CDH4: variants seen among roughly 807,000 people sequenced by gnomAD.
CDH4 encodes cadherin 4, also known as cadherin-4.
CDH4 carries 33 observed loss-of-function variants against 86.0 expected under a neutral mutation model. The observed-to-expected ratio is 0.38, with a 90% CI of 0.29 to 0.51. The LOEUF is 0.51. CDH4 is among the 20% of genes least tolerant of loss of function. The probability of loss-of-function intolerance (pLI) is 0.86; values close to 1 mark genes in which losing one functional copy is unlikely to be tolerated. For missense variants in CDH4, 1,114 were observed against 1,307.4 expected, an observed-to-expected ratio of 0.85 and a Z score of 2.28; for synonymous variants, 555 against 549.4, an observed-to-expected ratio of 1.01 and a Z score of -0.14.
intron 2 of CDH4, among the ~76,000 whole-genome samples, chr20:61,625,678 C>T (rs537048374): frequency 6.6e-5 from 10 of 152,266 alleles, no homozygotes; most frequent in Non-Finnish European, 1.2e-4. Context: ...GAGCAGACAC[C>T]GTTCAGATGC....
intron 2 of CDH4, among the ~76,000 whole-genome samples, chr20:61,691,349 AT>A (rs1042401834): frequency 6.8e-6 from 1 of 147,758 alleles, no homozygotes; most frequent in Non-Finnish European, 1.5e-5. Flanking sequence ...ATGTGTGTGT[AT>A]TTTTGTGTGT....
intron 2 of CDH4, among the ~76,000 whole-genome samples, chr20:61,331,982 GC>G (rs1210600532): frequency 1.3e-5 from 2 of 152,282 alleles, no homozygotes; most frequent in East Asian, 2.0e-4. Context: ...CTGTGCCTCT[GC>G]CCCCTTCTCT....
Position 61,269,016 on chromosome 20 carries a change from C to T in CDH4, c.169+14079C>T, listed in dbSNP as rs1229490469. Among the ~76,000 whole-genome samples the T allele has an allele frequency of 6.6e-6, 1 of 152,144 alleles. No homozygotes were observed. Among genetic ancestry groups the T allele is most frequent in the Non-Finnish European group, 1.5e-5 (1 of 68,030 alleles). ...GTGATGAGGAGTGTTGCGCAGACAC[C>T]TTGGGTGAGCATCAGAACCCCATGG... On this transcript the variant is annotated intron_variant, in intron 2 of 15. Coordinates refer to ENST00000614565, the MANE Select transcript of CDH4 (RefSeq NM_001794.5). This position sits in a 1 kb window ranked among gnomAD's most constrained non-coding sequence, Gnocchi z 5.3.
At chr20:61,727,250 C>CCATCATCATCACCATCAGAGT (rs1462427975) in intron 2 of CDH4, among the ~76,000 whole-genome samples, 1 of 151,466 alleles carries the variant, frequency 6.6e-6, no homozygotes, top group Non-Finnish European at 1.5e-5. Flanking sequence ...ACCATCAGTG[C>CCATCATCATCACCATCAGAGT]CATCATCATC....
At chr20:61,632,475 C>T (rs555767478) in intron 2 of CDH4, among the ~76,000 whole-genome samples, 27 of 152,202 alleles carry the variant, frequency 1.8e-4, no homozygotes, top group African/African-American at 6.0e-4. Context: ...TCGTTAACGC[C>T]GGGCCTCCGG....
At chr20:61,844,550 T>G in intron 4 of CDH4, 118 bp from the exon 5 acceptor site, 2 of 929,040 alleles carry the variant, frequency 2.2e-6, no homozygotes, top group Non-Finnish European at 3.2e-6. Flanking sequence ...GTGGTCCCCA[T>G]TGTACCTGAA....
intron 2 of CDH4, among the ~76,000 whole-genome samples, chr20:61,338,188 T>A (rs1156822735): frequency 6.6e-6 from 1 of 152,212 alleles, no homozygotes; most frequent in African/African-American, 2.4e-5. Context: ...ATGCATAGCT[T>A]CATTGTTCAA....
chr20:61,799,670 G>A (rs1979728972), intron 4 of CDH4, among the ~76,000 whole-genome samples: 1 of 152,204 alleles, frequency 6.6e-6, no homozygotes, highest in Non-Finnish European at 1.5e-5. Context: ...TCTGCACAAA[G>A]GGCTGTTGAG....
At chr20:61,466,878 C>G (rs940576978) in intron 2 of CDH4, among the ~76,000 whole-genome samples, 4 of 141,260 alleles carry the variant, frequency 2.8e-5, no homozygotes, top group Non-Finnish European at 6.0e-5. Context: ...ATAATCAGTC[C>G]TCTCCTTGCA....
chr20:61,565,113 C>G (rs115853231), intron 2 of CDH4, among the ~76,000 whole-genome samples: 6,762 of 53,886 alleles, frequency 0.13, 292 homozygotes, highest in East Asian at 0.15. Context: ...CTTGGTGGTG[C>G]TGGTGCTCTT....
intron 2 of CDH4, among the ~76,000 whole-genome samples, chr20:61,598,413 C>T (rs1316652642): frequency 2.0e-5 from 3 of 151,480 alleles, no homozygotes; most frequent in African/African-American, 7.3e-5. Flanking sequence ...CAGCCCAGGA[C>T]CTCAGCAGAG....
At chr20:61,699,887 G>T (rs1032699897) in intron 2 of CDH4, among the ~76,000 whole-genome samples, 9 of 152,206 alleles carry the variant, frequency 5.9e-5, no homozygotes, top group African/African-American at 1.4e-4. Flanking sequence ...GGCTGGCAAT[G>T]GCTGAGTGAG....
intron 5 of CDH4, among the ~76,000 whole-genome samples, chr20:61,851,795 C>T (rs73915110): frequency 0.013 from 1,918 of 152,246 alleles, 37 homozygotes; most frequent in African/African-American, 0.043. Flanking sequence ...GCCCCTCCTC[C>T]GAGAGGCCTC....
chr20:61,938,848 G>A lies in CDH4; in HGVS notation c.*1905G>A, dbSNP rs1568903440. On this transcript the variant is annotated 3_prime_UTR_variant, in exon 16 of 16. Transcript: ENST00000614565. ...CTGCCCCTGTGCAGCCTTCAGAGTT[G>A]AGCTGGGGTCTCAGTCTCCAACCTG... is the stretch of plus-strand genomic sequence containing the variant. 6.6e-6 allele frequency: 1 copy of A among 152,320 alleles called. No homozygotes were observed. Among genetic ancestry groups the A allele is most frequent in the African/African-American group, 2.4e-5 (1 of 41,470 alleles). 9.4% of individuals were successfully genotyped at this position (152,320 alleles called of 1,614,324 possible).
At chr20:61,737,433 A>C (rs918990437) in intron 2 of CDH4, among the ~76,000 whole-genome samples, 1 of 152,158 alleles carries the variant, frequency 6.6e-6, no homozygotes, top group Non-Finnish European at 1.5e-5. Flanking sequence ...GCTGGCCGCA[A>C]ACACCCTGCA....
chr20:61,583,206 C>CGGGGGGACAGACGGT (rs2086443826), intron 2 of CDH4, among the ~76,000 whole-genome samples: 1 of 42,362 alleles, frequency 2.4e-5, no homozygotes, highest in South Asian at 1.2e-3. Context: ...GGACAGAGGG[C>CGGGGGGACAGACGGT]TCTGCGGGGG....
chr20:61,711,516 T>C (rs2087893061), intron 2 of CDH4, among the ~76,000 whole-genome samples: 2 of 152,198 alleles, frequency 1.3e-5, no homozygotes, highest in South Asian at 4.1e-4. Flanking sequence ...CCCTCAAAGC[T>C]AGCAGCACAG....
At chr20:61,834,139 TC>T (rs747680218) in intron 4 of CDH4, among the ~76,000 whole-genome samples, 3 of 152,138 alleles carry the variant, frequency 2.0e-5, no homozygotes, top group Non-Finnish European at 2.9e-5. Flanking sequence ...CGGGGTGATT[TC>T]CAAAGACTGG....
intron 2 of CDH4, among the ~76,000 whole-genome samples, chr20:61,303,291 T>C (rs1203879281): frequency 6.6e-6 from 1 of 152,174 alleles, no homozygotes; most frequent in African/African-American, 2.4e-5. Flanking sequence ...AGGGCGATAT[T>C]AGCCATGAGC....
Sources: allele counts gnomAD v4.1 joint callset (sites outside exome capture counted in the v4.1 genomes callset), GRCh38; gene constraint gnomAD v4.1.1; non-coding constraint Gnocchi (gnomAD v3.1); transcripts MANE v1.5; gene names NCBI Gene and HGNC (gene_info 2026-07-23, HGNC 2026-07-21).